The following PLCG2 variants were observed in gnomAD, a reference collection of about 807,000 sequenced individuals.
PLCG2 encodes the protein phospholipase C gamma 2, also known as 1-phosphatidylinositol 4,5-bisphosphate phosphodiesterase gamma-2.
PLCG2 carries 69 observed loss-of-function variants against 175.6 expected under a neutral mutation model. The ratio of observed to expected loss-of-function variants is 0.39; its 90% CI spans 0.32 to 0.48. The LOEUF (loss-of-function observed/expected upper bound fraction) is 0.48, where lower values mean the gene tolerates loss of function less well. PLCG2 is among the 20% of genes least tolerant of loss of function. The pLI is 0.91. For synonymous variants in PLCG2, 827 were observed against 624.0 expected (o/e 1.33, Z -4.85); for missense variants, 1,798 against 1,650.9 (o/e 1.09, Z -1.54).
chr16:81,923,956 C>T (rs749945787), intron 22 of PLCG2, among the ~76,000 whole-genome samples: 3 of 152,142 alleles, frequency 2.0e-5, no homozygotes, highest in South Asian at 2.1e-4. Flanking sequence ...ACAAAAGATG[C>T]GGCAAATGAG....
rs1393485254 is a variant in PLCG2, at chr16:81,961,015, T to C, written c.*3017T>C. On this transcript the variant is annotated 3_prime_UTR_variant, in exon 33 of 33. Transcript: ENST00000564138. ...TGTCCCAAGGTGTAAAAATTCAAAA[T>C]GTGGATATTTGGAAAGTGAAAGACT... 1 of 230,728 alleles carries C rather than the reference T, an allele frequency of 4.3e-6. No homozygotes were observed. Among genetic ancestry groups the C allele is most frequent in the Admixed American group, 5.6e-5 (1 of 17,712 alleles). 14.3% of individuals were successfully genotyped at this position (230,728 alleles called of 1,614,324 possible).
chr16:81,865,452 T>A (rs2143513431), intron 5 of PLCG2, among the ~76,000 whole-genome samples: 1 of 152,256 alleles, frequency 6.6e-6, no homozygotes, highest in Admixed American at 6.5e-5. Flanking sequence ...GCTCTCAGCC[T>A]CCAGTGTTTA....
chr16:81,874,954 T>TG (rs1454421622), intron 7 of PLCG2, among the ~76,000 whole-genome samples: 1 of 57,948 alleles, frequency 1.7e-5, no homozygotes, highest in African/African-American at 4.1e-5. Context: ...ATGTGTTTTT[T>TG]TTTTTTTTTT....
intron 2 of PLCG2, among the ~76,000 whole-genome samples, chr16:81,818,298 C>T (rs2143323717): frequency 1.3e-5 from 2 of 152,300 alleles, no homozygotes; most frequent in South Asian, 4.1e-4. Context: ...TCTCTCATTC[C>T]ATCGTGCTCT....
intron 31 of PLCG2, among the ~76,000 whole-genome samples, chr16:81,954,213 G>T (rs1911475726): frequency 6.6e-6 from 1 of 152,040 alleles, no homozygotes; most frequent in African/African-American, 2.4e-5. Context: ...TATAGTAACA[G>T]GGTCCCGCTA....
chr16:81,941,377 G>T (rs1910932448), intron 30 of PLCG2, among the ~76,000 whole-genome samples: 1 of 152,128 alleles, frequency 6.6e-6, no homozygotes, highest in Non-Finnish European at 1.5e-5. Flanking sequence ...CCCACCACAG[G>T]GTGATGAGTC....
chr16:81,943,112 G>C (rs1911017547), intron 30 of PLCG2, among the ~76,000 whole-genome samples: 1 of 152,140 alleles, frequency 6.6e-6, no homozygotes, highest in Non-Finnish European at 1.5e-5. Context: ...GGGGCTACCT[G>C]ATAGCCTCCC....
chr16:81,929,836 G>A (rs1475295634), intron 24 of PLCG2, among the ~76,000 whole-genome samples: 2 of 152,252 alleles, frequency 1.3e-5, no homozygotes, highest in East Asian at 1.9e-4. Flanking sequence ...GAGGTCCTTT[G>A]GGCAGGGGGG....
At chr16:81,869,953 A>C (rs1050094204) in intron 6 of PLCG2, among the ~76,000 whole-genome samples, 2 of 152,224 alleles carry the variant, frequency 1.3e-5, no homozygotes, top group African/African-American at 2.4e-5. Flanking sequence ...AAACAGCCCC[A>C]GTTGGAGGAC....
At chr16:81,821,890 G>A (rs902236251) in intron 2 of PLCG2, among the ~76,000 whole-genome samples, 4 of 150,256 alleles carry the variant, frequency 2.7e-5, no homozygotes, top group African/African-American at 9.8e-5. Context: ...TTTTTCCAGA[G>A]CAGCACAAAG....
intron 2 of PLCG2, among the ~76,000 whole-genome samples, chr16:81,825,749 T>C (rs1239201460): frequency 6.6e-6 from 1 of 152,208 alleles, no homozygotes; most frequent in East Asian, 1.9e-4. Flanking sequence ...TCCCTTTCCT[T>C]GACCCATTCG....
intron 4 of PLCG2, among the ~76,000 whole-genome samples, chr16:81,858,768 C>G (rs1891872294): frequency 6.6e-6 from 1 of 152,206 alleles, no homozygotes; most frequent in Non-Finnish European, 1.5e-5. Flanking sequence ...TCTTCAGTGT[C>G]ATGGGAGTCT....
intron 30 of PLCG2, among the ~76,000 whole-genome samples, chr16:81,942,931 T>A (rs928372258): frequency 3.9e-4 from 59 of 152,108 alleles, no homozygotes; most frequent in Admixed American, 7.2e-4. Context: ...TTTTTTTTTT[T>A]TATACAAGGA....
At chr16:81,856,410 G>T (rs191872959) in intron 3 of PLCG2, among the ~76,000 whole-genome samples, 12 of 152,234 alleles carry the variant, frequency 7.9e-5, no homozygotes, top group Non-Finnish European at 1.8e-4. Flanking sequence ...TCTTCCTTTT[G>T]CCAGATGCCA....
chr16:81,793,757 A>G (rs1389463765), intron 2 of PLCG2, among the ~76,000 whole-genome samples: 1 of 152,212 alleles, frequency 6.6e-6, no homozygotes, highest in Admixed American at 6.5e-5. Flanking sequence ...CACATCAAAG[A>G]TAACTCCTTA....
At chr16:81,775,160 C>T (rs766670621), upstream of PLCG2, among the ~76,000 whole-genome samples, 3 of 152,186 alleles carry the variant, frequency 2.0e-5, no homozygotes, top group South Asian at 2.1e-4. Context: ...GAGCAGCCAT[C>T]GTCACAATCC....
At position 81,920,266 on chromosome 16, in the gene PLCG2, CT is replaced by C. The variant is rs139530370; in HGVS notation, c.2235+603del. ...GAGAGACCTGATGTGGTTACTTTGTCTCCATTCCTACCACATAGATCATTAA... is the reference window on the plus strand; with the variant it reads ...GAGAGACCTGATGTGGTTACTTTGTCCCATTCCTACCACATAGATCATTAA... On this transcript the variant is annotated intron_variant, in intron 20 of 32. Coordinates refer to ENST00000564138, the MANE Select transcript of PLCG2 (RefSeq NM_002661.5). Among the ~76,000 whole-genome samples, 12 of 152,286 alleles carry C rather than the reference CT, an allele frequency of 7.9e-5. No homozygotes were observed. The East Asian group carries it at 2.1e-3, about 27-fold the overall frequency.
At chr16:81,854,613 T>A (rs1216491226) in intron 3 of PLCG2, 26 bp downstream of exon 3, 3 of 1,607,560 alleles carry the variant, frequency 1.9e-6, no homozygotes, top group Non-Finnish European at 2.6e-6. Context: ...TGTGCCTTTC[T>A]CCTTCCCTGT....
intron 2 of PLCG2, among the ~76,000 whole-genome samples, chr16:81,841,335 C>T (rs999961285): frequency 3.4e-4 from 52 of 152,154 alleles, no homozygotes; most frequent in African/African-American, 1.2e-3. Context: ...CTCCTGGGCT[C>T]AAGCCGTTCT....
Sources: allele counts gnomAD v4.1 joint callset (sites outside exome capture counted in the v4.1 genomes callset), GRCh38; gene constraint gnomAD v4.1.1; transcripts MANE v1.5; gene names NCBI Gene and HGNC (gene_info 2026-07-23, HGNC 2026-07-21).